DYNC2H1: variants seen among roughly 807,000 people sequenced by gnomAD.
DYNC2H1 encodes the protein dynein cytoplasmic 2 heavy chain 1, also known as cytoplasmic dynein 2 heavy chain 1.
Under a neutral mutation model 570.0 loss-of-function variants are expected in DYNC2H1, and 410 were observed. That is an observed-to-expected ratio of 0.72 (90% CI 0.66 to 0.78). The LOEUF is 0.78. Among genes scored for constraint, DYNC2H1 ranks in the 30% least tolerant of loss-of-function variants. The pLI is 0.00. For synonymous variants in DYNC2H1, 1,688 were observed against 1,677.6 expected, an observed-to-expected ratio of 1.01 and a Z score of -0.15; for missense variants, 4,865 against 5,046.4, an observed-to-expected ratio of 0.96 and a Z score of 1.09.
intron 2 of DYNC2H1, among the ~76,000 whole-genome samples, 171 bp downstream of exon 2, chr11:103,113,878 T>C (rs116481300): frequency 9.7e-4 from 147 of 152,282 alleles, no homozygotes; most frequent in African/African-American, 3.5e-3. Context: ...TGGTAAAAAA[T>C]AGAGAAATTG....
chr11:103,466,904 A>G (rs567300484), intron 87 of DYNC2H1, among the ~76,000 whole-genome samples: 3 of 152,344 alleles, frequency 2.0e-5, no homozygotes, highest in African/African-American at 7.2e-5. Flanking sequence ...AGAGAAATTC[A>G]TGCAAATGTG....
intron 70 of DYNC2H1, among the ~76,000 whole-genome samples, chr11:103,279,232 TTTTA>T (rs1374725781): frequency 6.6e-6 from 1 of 152,222 alleles, no homozygotes; most frequent in African/African-American, 2.4e-5. Flanking sequence ...AAAGACATAA[TTTTA>T]TTTACTCAAT....
chr11:103,242,635 T>C (rs898696885), intron 63 of DYNC2H1, among the ~76,000 whole-genome samples: 9 of 152,222 alleles, frequency 5.9e-5, no homozygotes, highest in African/African-American at 1.9e-4. Flanking sequence ...TTTAAATTTA[T>C]CATACATATG....
chr11:103,404,076 A>T (rs904243611), intron 84 of DYNC2H1: 1 of 152,004 alleles, frequency 6.6e-6, no homozygotes, highest in Non-Finnish European at 1.5e-5. Flanking sequence ...AATTAGGAAA[A>T]TAATTATAAG....
intron 18 of DYNC2H1, among the ~76,000 whole-genome samples, chr11:103,146,948 T>C (rs554411034): frequency 3.0e-4 from 45 of 152,310 alleles, no homozygotes; most frequent in African/African-American, 1.1e-3. Context: ...TTCCATGTTA[T>C]CATCTGCACA....
At chr11:103,411,516 G>A (rs142959916) in intron 84 of DYNC2H1, among the ~76,000 whole-genome samples, 21 of 149,686 alleles carry the variant, frequency 1.4e-4, no homozygotes, top group East Asian at 4.0e-4. Flanking sequence ...TAATTATCTC[G>A]GTGACCTGTG....
chr11:103,357,287 T>TA lies in DYNC2H1; in HGVS notation c.12040-954dup, dbSNP rs201088743. 6.7e-4 allele frequency among the ~76,000 whole-genome samples: 102 copies of TA among 152,244 alleles called. 1 individual carries two copies. The East Asian group carries it at 0.016, about 24-fold the overall frequency. On this transcript the variant is annotated intron_variant, in intron 82 of 88. Coordinates refer to ENST00000375735, the MANE Select transcript of DYNC2H1 (RefSeq NM_001377.3). ...ATGAGAATAATGATAAAGAAACTGA[T>TA]AATAAGGACATTATAGAAGTGAAAG...
intron 59 of DYNC2H1, 33 bp downstream of exon 59, chr11:103,223,119 C>T: frequency 6.5e-7 from 1 of 1,533,428 alleles, no homozygotes; most frequent in Non-Finnish European, 8.8e-7. Context: ...ACAATTCTAA[C>T]CTTTATTTTC....
Position 103,177,738 on chromosome 11 carries a change from A to G in DYNC2H1, c.6057A>G (p.Leu2019=), listed in dbSNP as rs187190605. The change falls in exon 38 of 89, where the codon TTA becomes TTG. Residue 2019 remains leucine, a synonymous_variant. Transcript: ENST00000375735. The surrounding 1 kb of genome is among the most constrained non-coding windows in gnomAD (Gnocchi z 4.4). ...AAGCTATGCCTCGATATCAATTATT[A>G]GGCCATATTGACATGGACACAAGAG... ...NPKAMPRYQL[L]GHIDMDTREW... 115 of 1,613,508 alleles carry G rather than the reference A, an allele frequency of 7.1e-5. No individual in the cohort carries two copies. Among genetic ancestry groups the G allele is most frequent in the Admixed American group, 4.3e-4 (26 of 59,930 alleles).
chr11:103,321,034 A>G lies in DYNC2H1; in HGVS notation c.11731A>G (p.Lys3911Glu), dbSNP rs2135437450. Residue 3911 changes from lysine to glutamate, a missense_variant, in exon 81 of 89, where the codon AAA (lysine) becomes GAA (glutamate). Physicochemically the swap from Lys to Glu is moderately conservative, Grantham distance 56 (BLOSUM62 1). Transcript: ENST00000375735. Reference protein sequence around the residue: ...NIIDRLFDGAKDVQWEFVHGL... With the variant: ...NIIDRLFDGAEDVQWEFVHGL... ...GTGTTTTTTTAAAATTATAGGTGCC[A>G]AAGATGTACAATGGGAATTTGTACA... 1 of 1,605,540 alleles carries G rather than the reference A, an allele frequency of 6.2e-7. No homozygotes were observed. Among genetic ancestry groups the G allele is most frequent in the Non-Finnish European group, 8.5e-7 (1 of 1,176,578 alleles).
intron 30 of DYNC2H1, among the ~76,000 whole-genome samples, chr11:103,165,074 A>G (rs1248539137): frequency 2.0e-5 from 3 of 152,176 alleles, no homozygotes; most frequent in Non-Finnish European, 2.9e-5. Flanking sequence ...TTGCTTAGAA[A>G]TGAGTTACTA....
At position 103,189,859 on chromosome 11, in the gene DYNC2H1, C is replaced by T; in HGVS notation, c.7437+43C>T. 6.5e-7 allele frequency: 1 copy of T among 1,536,222 alleles called. No homozygotes were observed. The highest frequency in any genetic ancestry group is 8.7e-7 in the Non-Finnish European group (1 of 1,145,730). ...TTGTAGCTTTCATGTCTATTAGTAT[C>T]ATTTCTAAAGGTCTACTTTTAATTC... On this transcript the variant is annotated intron_variant, in intron 45 of 88. Transcript: ENST00000375735. The surrounding 1 kb of genome is among the most constrained non-coding windows in gnomAD (Gnocchi z 4.3).
In DYNC2H1 at chr11:103,155,565, T is replaced by C. The variant is rs370530002; in HGVS notation, c.3744+64T>C. 101 of 1,465,886 alleles carry C rather than the reference T, an allele frequency of 6.9e-5. No homozygotes were observed. In the East Asian group the frequency reaches 8.7e-4, roughly 13 times the overall value. 90.8% of individuals were successfully genotyped at this position (1,465,886 alleles called of 1,614,324 possible). ...TTTTTTAATATACAATATTGCTTCA[T>C]ATTTTGTTTAAATACAAAAAAAGTC... is the stretch of plus-strand genomic sequence containing the variant. On this transcript the variant is annotated intron_variant, in intron 25 of 88. Transcript: ENST00000375735.
chr11:103,446,972 T>G lies in DYNC2H1; in HGVS notation c.12457-8214T>G, dbSNP rs1480997242. 4.6e-5 allele frequency among the ~76,000 whole-genome samples: 7 copies of G among 152,160 alleles called. No homozygotes were observed. The highest frequency in any genetic ancestry group is 1.0e-4 in the Non-Finnish European group (7 of 68,016). ...AAATACTGTGCCAAAAAGTAATTTT[T>G]AATAATCTTGTTTCCCATAGTGGTT... is the stretch of plus-strand genomic sequence containing the variant. On this transcript the variant is annotated intron_variant, in intron 85 of 88. Coordinates refer to ENST00000375735, the MANE Select transcript of DYNC2H1 (RefSeq NM_001377.3). The surrounding 1 kb of genome is among the most constrained non-coding windows in gnomAD (Gnocchi z 4.5).
chr11:103,138,130 G>A (rs1335336091), intron 17 of DYNC2H1, among the ~76,000 whole-genome samples: 2 of 152,140 alleles, frequency 1.3e-5, no homozygotes, highest in East Asian at 1.9e-4. Context: ...ATTTTGGGCT[G>A]AGACAATGGG....
At chr11:103,381,794 A>T (rs1394443240) in intron 83 of DYNC2H1, among the ~76,000 whole-genome samples, 1 of 152,236 alleles carries the variant, frequency 6.6e-6, no homozygotes, top group South Asian at 2.1e-4. Flanking sequence ...CTGTGTCTTC[A>T]AATTTTTAGT....
rs1861548390 is a variant in DYNC2H1 at position 103,171,069 on chromosome 11, G to T, written c.5334+1G>T. 3 of 1,572,332 alleles carry T rather than the reference G, an allele frequency of 1.9e-6. No individual in the cohort carries two copies. The highest frequency in any genetic ancestry group is 2.6e-6 in the Non-Finnish European group (3 of 1,154,114). ...TGTATGTGAACTGCTTGGCAAGGAG[G>T]TATAGAATATGTTGGGAATTTAAAG... On this transcript the variant is annotated splice_donor_variant, in intron 34 of 88. Transcript: ENST00000375735. LOFTEE classifies it high-confidence loss of function.
chr11:103,432,695 TATAAC>T (rs1241561156), intron 84 of DYNC2H1, among the ~76,000 whole-genome samples: 4 of 102,706 alleles, frequency 3.9e-5, no homozygotes, highest in Non-Finnish European at 7.6e-5. Context: ...TAAAATGATG[TATAAC>T]ATAACTACAT....
rs1014939052 is a variant in DYNC2H1 at position 103,289,875 on chromosome 11, A to G, written c.11095+2270A>G. ...TTTGGACTGAGTGTTCCTCAATCCA[A>G]TATGATTGGTGTCCTTACAAGAAGA... On this transcript the variant is annotated intron_variant, in intron 75 of 88. Coordinates refer to ENST00000375735, the MANE Select transcript of DYNC2H1 (RefSeq NM_001377.3). This position sits in a 1 kb window ranked among gnomAD's most constrained non-coding sequence, Gnocchi z 4.2. 3.9e-5 allele frequency among the ~76,000 whole-genome samples: 6 copies of G among 152,330 alleles called. No homozygotes were observed. Among genetic ancestry groups the G allele is most frequent in the African/African-American group, 1.2e-4 (5 of 41,586 alleles).
Sources: allele counts gnomAD v4.1 joint callset (sites outside exome capture counted in the v4.1 genomes callset), GRCh38; gene constraint gnomAD v4.1.1; non-coding constraint Gnocchi (gnomAD v3.1); transcripts MANE v1.5; gene names NCBI Gene and HGNC (gene_info 2026-07-23, HGNC 2026-07-21).